The following DOCK9 variants were observed in gnomAD, a reference collection of about 807,000 sequenced individuals.
DOCK9 encodes dedicator of cytokinesis 9.
A neutral mutation model predicts 263.3 loss-of-function variants in DOCK9; 89 were observed. That is an observed-to-expected ratio of 0.34 (90% CI 0.28 to 0.40). The LOEUF (loss-of-function observed/expected upper bound fraction) is 0.40. Ranked by LOEUF, DOCK9 falls within the 10% of genes least tolerant of loss-of-function variation. The pLI is 1.00. For missense variants in DOCK9, 2,140 were observed against 2,603.4 expected, an observed-to-expected ratio of 0.82 and a Z score of 3.87; for synonymous variants, 976 against 973.1, an observed-to-expected ratio of 1.00 and a Z score of -0.06.
chr13:99,070,236 C>T (rs183083152), intron 1 of DOCK9, among the ~76,000 whole-genome samples: 1 of 152,276 alleles, frequency 6.6e-6, no homozygotes, highest in East Asian at 1.9e-4. Context: ...TTCAAGCATA[C>T]CGATTTGAAC....
chr13:98,830,801 G>A (rs17782181), intron 41 of DOCK9, among the ~76,000 whole-genome samples: 48,029 of 152,026 alleles, frequency 0.32, 8,454 homozygotes, highest in Non-Finnish European at 0.4. Flanking sequence ...TTGTATCCAC[G>A]AATCCTATGT....
chr13:98,929,706 C>T (rs1174964513), intron 3 of DOCK9, among the ~76,000 whole-genome samples: 3 of 150,666 alleles, frequency 2.0e-5, no homozygotes, highest in African/African-American at 4.9e-5. Context: ...AGCGATAGAC[C>T]CTGCTTATTA....
intron 33 of DOCK9, chr13:98,858,387 A>G (rs1011392646): frequency 6.6e-6 from 1 of 152,220 alleles, no homozygotes; most frequent in African/African-American, 2.4e-5. Flanking sequence ...AGGCACCATG[A>G]TCCAAAGACA....
At chr13:99,008,185 C>CCTCTCT (rs370963218) in intron 1 of DOCK9, among the ~76,000 whole-genome samples, 5,041 of 100,628 alleles carry the variant, frequency 0.05, 145 homozygotes, top group African/African-American at 0.071. Context: ...TATTGTGCAG[C>CCTCTCT]CTCTCTCTCT....
chr13:99,004,096 C>T (rs1354693110), intron 1 of DOCK9, among the ~76,000 whole-genome samples: 5 of 152,136 alleles, frequency 3.3e-5, no homozygotes, highest in Admixed American at 1.3e-4. Context: ...CAGAAACGTC[C>T]CTCTCCTTCT....
At chr13:98,893,330 G>A (rs1178424508) in intron 15 of DOCK9, among the ~76,000 whole-genome samples, 8 of 152,132 alleles carry the variant, frequency 5.3e-5, no homozygotes, top group African/African-American at 1.7e-4. Context: ...AAAGGTCTAC[G>A]TTTTAAAGAA....
chr13:98,993,566 AAC>A (rs1315537689), intron 1 of DOCK9, among the ~76,000 whole-genome samples: 3 of 152,210 alleles, frequency 2.0e-5, no homozygotes, highest in African/African-American at 7.2e-5. Context: ...GGAAGGCAGT[AAC>A]TATGGAAAAC....
chr13:98,797,065 GA>G (rs778168765), intron 52 of DOCK9, 49 bp downstream of exon 52: 27 of 1,610,596 alleles, frequency 1.7e-5, no homozygotes, highest in Non-Finnish European at 2.2e-5. Flanking sequence ...GGGTGTACTT[GA>G]AACCCCTAAC....
intron 52 of DOCK9, 131 bp downstream of exon 52, chr13:98,796,984 A>G: frequency 1.1e-6 from 1 of 915,862 alleles, no homozygotes. Flanking sequence ...GCATGGCAGG[A>G]GTGTGGTATG....
At chr13:99,008,234 ATTTTTT>A (rs398024127) in intron 1 of DOCK9, among the ~76,000 whole-genome samples, 2 of 94,100 alleles carry the variant, frequency 2.1e-5, no homozygotes, top group African/African-American at 8.8e-5. Context: ...ATATATATAT[ATTTTTT>A]TTTTTTTTTG....
upstream of DOCK9, among the ~76,000 whole-genome samples, chr13:99,087,307 CGGGACGGCCAGCT>C (rs1198015083): frequency 6.6e-6 from 1 of 152,220 alleles, no homozygotes; most frequent in South Asian, 2.1e-4. Flanking sequence ...TCCGGCCCGC[CGGGACGGCCAGCT>C]GCGTCACCTT....
chr13:98,987,168 C>CA (rs577866483), intron 1 of DOCK9, among the ~76,000 whole-genome samples: 3 of 151,918 alleles, frequency 2.0e-5, no homozygotes, highest in South Asian at 2.1e-4. Flanking sequence ...GTTCTCATCA[C>CA]AAAAAAATTG....
At chr13:98,956,476 G>T (rs1049435772) in intron 1 of DOCK9, among the ~76,000 whole-genome samples, 6 of 152,186 alleles carry the variant, frequency 3.9e-5, no homozygotes, top group Non-Finnish European at 7.3e-5. Context: ...GGGCAGGCGT[G>T]GTGGCTCACA....
intron 25 of DOCK9, 35 bp downstream of exon 25, chr13:98,881,523 A>G: frequency 6.5e-7 from 1 of 1,541,676 alleles, no homozygotes; most frequent in Non-Finnish European, 8.8e-7. Flanking sequence ...GGAGAGCCAC[A>G]GATGTAAGTG....
chr13:99,084,868 G>C (rs1484027085), intron 1 of DOCK9, among the ~76,000 whole-genome samples: 1 of 152,236 alleles, frequency 6.6e-6, no homozygotes, highest in Non-Finnish European at 1.5e-5. Context: ...GGAAGATGCA[G>C]GAAGCCACAC....
intron 1 of DOCK9, among the ~76,000 whole-genome samples, chr13:99,034,754 G>A (rs1296054911): frequency 1.3e-5 from 2 of 152,164 alleles, no homozygotes; most frequent in Non-Finnish European, 1.5e-5. Flanking sequence ...CAAAAATGGT[G>A]AGCAGAGTTG....
At chr13:98,901,959 CA>C in intron 12 of DOCK9, 59 bp from the exon 13 acceptor site, 1 of 1,583,922 alleles carries the variant, frequency 6.3e-7, no homozygotes, top group Non-Finnish European at 8.6e-7. Context: ...AAACAAATCC[CA>C]TGAACATTAA....
chr13:99,033,037 T>C (rs1887512825), intron 1 of DOCK9, among the ~76,000 whole-genome samples: 2 of 152,212 alleles, frequency 1.3e-5, no homozygotes, highest in Non-Finnish European at 2.9e-5. Context: ...TGTTAAAGAA[T>C]AGTTCCTTGT....
intron 1 of DOCK9, among the ~76,000 whole-genome samples, chr13:99,028,755 C>T (rs1314259236): frequency 1.3e-5 from 2 of 152,114 alleles, no homozygotes; most frequent in Non-Finnish European, 2.9e-5. Context: ...ACTAATGAGA[C>T]TTTGTGACAC....
Sources: gnomAD v4.1 joint callset for allele counts (sites outside exome capture counted in the v4.1 genomes callset) on GRCh38, gnomAD v4.1.1 for gene constraint, MANE v1.5 for transcripts, NCBI Gene and HGNC (gene_info 2026-07-23, HGNC 2026-07-21) for gene names.